Variants in DHODH observed in about 807,000 individuals in gnomAD.
DHODH encodes dihydroorotate dehydrogenase (quinone).
DHODH carries 30 observed loss-of-function variants against 39.7 expected under a neutral mutation model. The ratio of observed to expected loss-of-function variants is 0.76; its 90% CI spans 0.57 to 1.02. The LOEUF (loss-of-function observed/expected upper bound fraction) is 1.02. Among genes scored for constraint, DHODH ranks in the 50% least tolerant of loss-of-function variants. The pLI, the probability that DHODH is intolerant of heterozygous loss-of-function variation, is 0.00. For synonymous variants in DHODH, 222 were observed against 213.8 expected (o/e 1.04, Z -0.34); for missense variants, 531 against 520.8 (o/e 1.02, Z -0.19).
chr16:72,012,395 G>C, intron 2 of DHODH, 133 bp downstream of exon 2: 1 of 754,266 alleles, frequency 1.3e-6, no homozygotes, highest in Non-Finnish European at 2.3e-6. Flanking sequence ...TTCAGTCTGA[G>C]CATTATTATT....
At chr16:72,012,495 A>G (rs2041095815) in intron 2 of DHODH, among the ~76,000 whole-genome samples, 1 of 152,354 alleles carries the variant, frequency 6.6e-6, no homozygotes, top group South Asian at 2.1e-4. Flanking sequence ...CAGCTGCTCC[A>G]TGAGCTGGAT....
chr16:72,014,767 C>A, intron 3 of DHODH, 95 bp downstream of exon 3: 1 of 1,197,354 alleles, frequency 8.4e-7, no homozygotes, highest in Non-Finnish European at 1.2e-6. Flanking sequence ...TTCTCTCATA[C>A]AATGTGGACA....
chr16:72,023,187 T>C lies in DHODH; in HGVS notation c.842T>C (p.Val281Ala). ...CAGTTGGGCATCGATGGGCTGATTG[T>C]TACGAACACCACCGTGAGTCGCCCT... ...VKELGIDGLI[V>A]TNTTVSRPAG... The change falls in exon 7 of 9, where the codon GTT becomes GCT. Residue 281 changes from valine (V) to alanine (A), a missense_variant. Coordinates refer to ENST00000219240, the MANE Select transcript of DHODH (RefSeq NM_001361.5). 6.8e-6 allele frequency: 11 copies of C among 1,614,134 alleles called. No individual in the cohort carries two copies. Among genetic ancestry groups the C allele is most frequent in the Non-Finnish European group, 8.5e-6 (10 of 1,180,030 alleles).
At chr16:72,015,185 A>G (rs952906591) in intron 3 of DHODH, among the ~76,000 whole-genome samples, 8 of 152,254 alleles carry the variant, frequency 5.3e-5, no homozygotes, top group Non-Finnish European at 1.0e-4. Flanking sequence ...AAAACACCAT[A>G]AAAAGTATTA....
At chr16:72,011,797 C>T (rs986635980) in intron 1 of DHODH, among the ~76,000 whole-genome samples, 1 of 152,176 alleles carries the variant, frequency 6.6e-6, no homozygotes, top group Non-Finnish European at 1.5e-5. Context: ...ACCACGATCA[C>T]CCTAGGGGAC....
chr16:72,022,377 G>C lies in DHODH; in HGVS notation c.721G>C (p.Asp241His). 1.3e-6 allele frequency: 2 copies of C among 1,554,190 alleles called. No homozygotes were observed. The highest frequency in any genetic ancestry group is 1.7e-6 in the Non-Finnish European group (2 of 1,148,500). The change falls in exon 6 of 9, where the codon GAT becomes CAT. Residue 241 changes from aspartate to histidine, a missense_variant. Transcript: ENST00000219240. ...RLLTKVLQER[D>H]GLRRVHRPAV... ...GTCGCCCTAGGTGCTGCAGGAGAGG[G>C]ATGGCTTGCGGAGAGTGCACAGGCC...
At chr16:72,019,002 C>G (rs1203996480) in intron 4 of DHODH, among the ~76,000 whole-genome samples, 1 of 152,160 alleles carries the variant, frequency 6.6e-6, no homozygotes, top group African/African-American at 2.4e-5. Context: ...CCGCTATTGC[C>G]CAGGCAACAG....
Position 72,025,451 on chromosome 16 carries a change from G to A in DHODH, c.*1252G>A, listed in dbSNP as rs1312242770. On this transcript the variant is annotated 3_prime_UTR_variant, in exon 9 of 9. Transcript: ENST00000219240. ...ACTATTCTTATGTGGCATGGTTCAT[G>A]CTGGGCCTCGGTCTTTTGAGTGGGG... is the stretch of plus-strand genomic sequence containing the variant. 6.6e-6 allele frequency: 1 copy of A among 152,254 alleles called. No homozygotes were observed. Among genetic ancestry groups the A allele is most frequent in the African/African-American group, 2.4e-5 (1 of 41,454 alleles). The allele number at this position is 152,254 out of a possible 1,614,324, so 9.4% of individuals were successfully genotyped here. A position where few individuals can be genotyped will look rare whatever the true frequency, so the allele number is the denominator to read the frequency against.
intron 4 of DHODH, among the ~76,000 whole-genome samples, chr16:72,018,657 G>A (rs918436530): frequency 6.6e-5 from 10 of 152,104 alleles, no homozygotes; most frequent in African/African-American, 1.9e-4. Context: ...TGCTCTGCAC[G>A]GATGTGTCTG....
chr16:72,015,902 G>A (rs921765667), intron 3 of DHODH: 2 of 983,544 alleles, frequency 2.0e-6, no homozygotes, highest in South Asian at 4.7e-5. Context: ...AAGTTATGAA[G>A]TCATCAGATA....
At position 72,026,982 on chromosome 16, in the gene DHODH, TGTGTGTGTGTGTGTGTGTGTGTGTGTG is replaced by T. The variant is rs879454775; in HGVS notation, c.*2784_*2810del. 0.014 allele frequency: 2,143 copies of T among 148,004 alleles called. 36 individuals are homozygous for T. Among genetic ancestry groups the T allele is most frequent in the South Asian group, 0.028 (127 of 4,540 alleles). 9.2% of individuals were successfully genotyped at this position (148,004 alleles called of 1,614,324 possible). On this transcript the variant is annotated 3_prime_UTR_variant, in exon 9 of 9. Transcript: ENST00000219240. The stretch of plus-strand genomic sequence containing the variant: ...ATTTGTGTGTGTGTGTGTGTGTGTG[TGTGTGTGTGTGTGTGTGTGTGTGTGTG>T]TTTTTGAGATGGAGTCCTGCTCTGT...
chr16:72,018,853 A>T (rs758471791), intron 4 of DHODH, among the ~76,000 whole-genome samples: 33 of 152,212 alleles, frequency 2.2e-4, no homozygotes, highest in Non-Finnish European at 3.1e-4. Context: ...ATTCTCCTTC[A>T]AGTCAGTTTA....
At chr16:72,011,542 A>T (rs2041081466) in intron 1 of DHODH, among the ~76,000 whole-genome samples, 1 of 152,146 alleles carries the variant, frequency 6.6e-6, no homozygotes, top group South Asian at 2.1e-4. Context: ...TGAGGAGGGG[A>T]GGATTGCTTG....
chr16:72,027,659 A>G lies in DHODH; in HGVS notation c.*3460A>G, dbSNP rs1269583852. On this transcript the variant is annotated 3_prime_UTR_variant, in exon 9 of 9. Transcript: ENST00000219240. ...TCAGTTAAATATAAGCAGTAAGCTA[A>G]TCCTATTCTGTGACTTACTTTTCTC... 2.0e-5 allele frequency: 3 copies of G among 152,234 alleles called. No homozygotes were observed. Among genetic ancestry groups the G allele is most frequent in the Non-Finnish European group, 4.4e-5 (3 of 68,052 alleles). 9.4% of individuals were successfully genotyped at this position (152,234 alleles called of 1,614,324 possible). A position where few individuals can be genotyped will look rare whatever the true frequency, so the allele number is the denominator to read the frequency against.
chr16:72,011,938 G>A (rs942062970), intron 1 of DHODH, 112 bp from the exon 2 acceptor site: 31 of 798,498 alleles, frequency 3.9e-5, no homozygotes, highest in Non-Finnish European at 5.5e-5. Context: ...GGCTAAGGGC[G>A]TCTGTTTCAT....
At chr16:72,023,085 G>A (rs2041238603) in intron 6 of DHODH, 80 bp from the exon 7 acceptor site, 1 of 1,503,320 alleles carries the variant, frequency 6.7e-7, no homozygotes, top group Non-Finnish European at 9.2e-7. Flanking sequence ...TGGCCCGGCT[G>A]CTGCCTTCGA....
In DHODH at chr16:72,023,133, A is replaced by G. The variant is rs1200629784; in HGVS notation, c.820-32A>G. On this transcript the variant is annotated intron_variant, in intron 6 of 8. Coordinates refer to ENST00000219240, the MANE Select transcript of DHODH (RefSeq NM_001361.5). The stretch of plus-strand genomic sequence containing the variant: ...CGCCTCTGGGTCCTTCGGTGCTATG[A>G]CTCATGGCTTTTTCTCTATCTCGCA... The G allele has an allele frequency of 1.9e-6, 3 of 1,612,972 alleles. No homozygotes were observed. In the African/African-American group the frequency reaches 4.0e-5, roughly 22 times the overall value.
At chr16:72,016,833 T>G in intron 3 of DHODH, 191 bp from the exon 4 acceptor site, 1 of 608,436 alleles carries the variant, frequency 1.6e-6, no homozygotes, top group Non-Finnish European at 3.0e-6. Flanking sequence ...CATTTGCAAA[T>G]TTTAATCTTT....
At position 72,022,478 on chromosome 16, in the gene DHODH, T is replaced by G; in HGVS notation, c.819+3T>G. 1 of 1,549,950 alleles carries G rather than the reference T, an allele frequency of 6.5e-7. No homozygotes were observed. Among genetic ancestry groups the G allele is most frequent in the Non-Finnish European group, 8.7e-7 (1 of 1,146,760 alleles). On this transcript the variant is annotated splice_donor_region_variant and intron_variant, in intron 6 of 8. Transcript: ENST00000219240. ...ACATTGCCAGTGTGGTCAAAGAGGT[T>G]TGAGTCGGGGCCTGGGCCCAGGGTG...
Sources: gnomAD v4.1 joint callset for allele counts (sites outside exome capture counted in the v4.1 genomes callset) on GRCh38, gnomAD v4.1.1 for gene constraint, MANE v1.5 for transcripts, NCBI Gene and HGNC (gene_info 2026-07-23, HGNC 2026-07-21) for gene names.